The following DNAH3 variants were observed in gnomAD, a reference collection of about 807,000 sequenced individuals.
The protein encoded by DNAH3 is dynein axonemal heavy chain 3.
A neutral mutation model predicts 432.5 loss-of-function variants in DNAH3; 332 were observed. The observed-to-expected ratio is 0.77, with a 90% CI of 0.70 to 0.84. DNAH3 has a LOEUF of 0.84. DNAH3 is among the 40% of genes least tolerant of loss of function. The probability of loss-of-function intolerance (pLI) is 0.00; values close to 1 mark genes in which losing one functional copy is unlikely to be tolerated. For missense variants in DNAH3, 4,861 were observed against 5,114.0 expected, an observed-to-expected ratio of 0.95 and a Z score of 1.51; for synonymous variants, 1,956 against 1,900.2, an observed-to-expected ratio of 1.03 and a Z score of -0.76.
chr16:21,062,968 A>T (rs2090415126), intron 24 of DNAH3: 1 of 339,770 alleles, frequency 2.9e-6, no homozygotes, highest in South Asian at 5.1e-5. Flanking sequence ...GATTACTGGC[A>T]TGAGACATTG....
chr16:21,098,722 T>G, exon 17 of DNAH3: 1 of 1,613,888 alleles, frequency 6.2e-7, no homozygotes, highest in Non-Finnish European at 8.5e-7. Flanking sequence ...CCTAAAACTT[T>G]CCAGTTCTCT....
At chr16:21,060,664 A>G (rs2090323183) in intron 25 of DNAH3, among the ~76,000 whole-genome samples, 1 of 150,222 alleles carries the variant, frequency 6.7e-6, no homozygotes, top group South Asian at 2.1e-4. Context: ...AGCTGGGATT[A>G]CAGGCGTGCA....
intron 27 of DNAH3, among the ~76,000 whole-genome samples, chr16:21,057,351 T>G (rs143375350): frequency 1.3e-5 from 2 of 152,246 alleles, no homozygotes; most frequent in African/African-American, 4.8e-5. Flanking sequence ...AATATAATAG[T>G]GAGCAGAGCA....
At chr16:21,096,854 C>A (rs1416222014) in intron 18 of DNAH3, among the ~76,000 whole-genome samples, 5 of 152,110 alleles carry the variant, frequency 3.3e-5, no homozygotes, top group Non-Finnish European at 1.5e-5. Flanking sequence ...CTAGTAAGTT[C>A]TTTAAGCATT....
At chr16:21,117,740 C>T in intron 11 of DNAH3, among the ~76,000 whole-genome samples, 1 of 152,168 alleles carries the variant, frequency 6.6e-6, no homozygotes, top group East Asian at 1.9e-4. Flanking sequence ...AATACAAATT[C>T]CATGAAGGTC....
At chr16:21,115,683 G>A (rs2092175779) in intron 12 of DNAH3, among the ~76,000 whole-genome samples, 1 of 149,522 alleles carries the variant, frequency 6.7e-6, no homozygotes. Flanking sequence ...CTCCAGCCTG[G>A]GTGACAGAGC....
intron 50 of DNAH3, among the ~76,000 whole-genome samples, chr16:20,977,680 G>C (rs2085659242): frequency 6.6e-6 from 1 of 152,158 alleles, no homozygotes; most frequent in African/African-American, 2.4e-5. Context: ...TGTGATCATG[G>C]GCAAGACACT....
At position 21,116,914 on chromosome 16, in the gene DNAH3, T is replaced by C. The variant is rs1032245070; in HGVS notation, c.1814+289A>G. On this transcript the variant is annotated intron_variant, in intron 12 of 61. Coordinates refer to ENST00000261383, the Ensembl canonical transcript of DNAH3. ...GTTACTTTTATATAACCCAGAAATT[T>C]TGAAGTGCCAAAACCCATCTGGCTT... is the stretch of plus-strand genomic sequence containing the variant. Among the ~76,000 whole-genome samples the C allele has an allele frequency of 1.6e-4, 25 of 152,350 alleles. 1 individual carries two copies. The highest frequency in any genetic ancestry group is 4.8e-4 in the African/African-American group (20 of 41,590).
At chr16:20,999,415 G>C (rs1295330561) in intron 43 of DNAH3, among the ~76,000 whole-genome samples, 1 of 152,090 alleles carries the variant, frequency 6.6e-6, no homozygotes, top group Non-Finnish European at 1.5e-5. Flanking sequence ...GCCTCTGAGG[G>C]GCTGTTAGTT....
At chr16:21,153,512 A>T (rs1457747314) in intron 1 of DNAH3, among the ~76,000 whole-genome samples, 1 of 152,208 alleles carries the variant, frequency 6.6e-6, no homozygotes, top group Non-Finnish European at 1.5e-5. Flanking sequence ...GTGGGGCCAG[A>T]TAAGAGCATA....
At position 21,089,432 on chromosome 16, in the gene DNAH3, G is replaced by C. The variant is rs2091469624; in HGVS notation, c.2666-2372C>G. Among the ~76,000 whole-genome samples the C allele has an allele frequency of 2.0e-5, 3 of 152,084 alleles. No homozygotes were observed. In the South Asian group the frequency reaches 6.2e-4, roughly 32 times the overall value. ...TACACATTCTTTTTTATTGCAAATA[G>C]AACACTTACCAAGGTGAATCTTATT... On this transcript the variant is annotated intron_variant, in intron 18 of 61. Transcript: ENST00000261383.
At chr16:21,050,989 T>C (rs1032398783) in intron 29 of DNAH3, among the ~76,000 whole-genome samples, 7 of 152,094 alleles carry the variant, frequency 4.6e-5, no homozygotes, top group African/African-American at 1.7e-4. Flanking sequence ...TCATGCATGG[T>C]GCACAGGAAA....
At chr16:20,978,455 G>A (rs2085698293) in intron 50 of DNAH3, among the ~76,000 whole-genome samples, 1 of 152,192 alleles carries the variant, frequency 6.6e-6, no homozygotes, top group Non-Finnish European at 1.5e-5. Context: ...CTTGAACCCA[G>A]GAGGTAGAGG....
chr16:20,976,492 CA>C (rs1289462092), intron 50 of DNAH3, among the ~76,000 whole-genome samples: 4 of 152,216 alleles, frequency 2.6e-5, no homozygotes, highest in African/African-American at 9.6e-5. Flanking sequence ...TGTGCCCAGC[CA>C]AAATAATTTT....
chr16:21,146,095 G>C lies in DNAH3; in HGVS notation c.118-7C>G. 1 of 1,601,310 alleles carries C rather than the reference G, an allele frequency of 6.2e-7. No homozygotes were observed. Among genetic ancestry groups the C allele is most frequent in the Non-Finnish European group, 8.6e-7 (1 of 1,168,460 alleles). On this transcript the variant is annotated splice_polypyrimidine_tract_variant and splice_region_variant and intron_variant, in intron 1 of 61. Coordinates refer to ENST00000261383, the Ensembl canonical transcript of DNAH3. ...TGGAGTCACTTTTGGCGATCTGTGG[G>C]ACATGGGAACAAAGTCACCCTTCAA...
chr16:21,021,249 G>C (rs2088202059), intron 40 of DNAH3, among the ~76,000 whole-genome samples: 1 of 152,120 alleles, frequency 6.6e-6, no homozygotes, highest in South Asian at 2.1e-4. Flanking sequence ...TGGTTTATAT[G>C]CTAAGGTGAA....
At chr16:21,071,141 C>G (rs560096895) in intron 21 of DNAH3, among the ~76,000 whole-genome samples, 2 of 151,930 alleles carry the variant, frequency 1.3e-5, no homozygotes, top group Non-Finnish European at 2.9e-5. Flanking sequence ...CTCCCAGGTT[C>G]AAGTGATTCT....
At chr16:20,954,753 C>T (rs1424628004) in intron 55 of DNAH3, 60 bp downstream of exon 55, 2 of 1,573,544 alleles carry the variant, frequency 1.3e-6, no homozygotes, top group African/African-American at 1.4e-5. Flanking sequence ...CCTGGAAACA[C>T]ACCTATATGT....
exon 57 of DNAH3, chr16:20,948,594 C>A (rs780916775): frequency 6.2e-7 from 1 of 1,614,020 alleles, no homozygotes; most frequent in Non-Finnish European, 8.5e-7. Context: ...GCAGGAGACG[C>A]CGGTCTTTGT....
Sources: allele counts gnomAD v4.1 joint callset (sites outside exome capture counted in the v4.1 genomes callset), GRCh38; gene constraint gnomAD v4.1.1; transcripts MANE v1.5; gene names NCBI Gene and HGNC (gene_info 2026-07-23, HGNC 2026-07-21).